ZNF516: variants seen among roughly 807,000 people sequenced by gnomAD.
ZNF516 encodes the protein zinc finger protein 516.
ZNF516 carries 19 observed loss-of-function variants against 79.7 expected under a neutral mutation model. The ratio of observed to expected loss-of-function variants is 0.24; its 90% confidence interval spans 0.17 to 0.35. ZNF516 has a LOEUF of 0.35. ZNF516 is among the 10% of genes least tolerant of loss of function. The pLI is 1.00. For synonymous variants in ZNF516, 877 were observed against 739.5 expected (o/e 1.19, Z -3.02); for missense variants, 1,678 against 1,679.5 (o/e 1.00, Z 0.02).
At chr18:76,464,430 A>C (rs957798324) in intron 1 of ZNF516, among the ~76,000 whole-genome samples, 10 of 152,224 alleles carry the variant, frequency 6.6e-5, no homozygotes, top group African/African-American at 2.4e-4. Context: ...TGCTGTCTCA[A>C]GCTGGCATTC....
chr18:76,374,365 T>C (rs1026638333), intron 4 of ZNF516, among the ~76,000 whole-genome samples: 4 of 152,266 alleles, frequency 2.6e-5, no homozygotes, highest in African/African-American at 9.6e-5. Context: ...ATAGACTTGG[T>C]AGTCACACTG....
At chr18:76,457,116 C>T (rs1212515081) in intron 2 of ZNF516, among the ~76,000 whole-genome samples, 2 of 152,200 alleles carry the variant, frequency 1.3e-5, no homozygotes, top group Non-Finnish European at 2.9e-5. Context: ...AAAGACATTC[C>T]CTTTTAAGCG....
At chr18:76,435,137 AAG>A (rs923929252) in intron 3 of ZNF516, among the ~76,000 whole-genome samples, 4 of 152,042 alleles carry the variant, frequency 2.6e-5, no homozygotes, top group Non-Finnish European at 5.9e-5. Flanking sequence ...CTTGAGTTAA[AAG>A]AGAGAGAGAA....
rs998555294 is a variant in ZNF516, at chr18:76,373,144, T to C, written c.3260-1573A>G. On this transcript the variant is annotated intron_variant, in intron 4 of 6. Transcript: ENST00000443185. Reference sequence around the variant, plus strand: ...CAGCCTAGGTGACAGAGTGAGATTCTGTCTTGAATGAAAGAAAGAAAAGAA... The same window carrying C: ...CAGCCTAGGTGACAGAGTGAGATTCCGTCTTGAATGAAAGAAAGAAAAGAA... Among the ~76,000 whole-genome samples the C allele has an allele frequency of 1.6e-4, 24 of 151,412 alleles. 1 individual carries two copies. Among genetic ancestry groups the C allele is most frequent in the African/African-American group, 5.4e-4 (22 of 41,108 alleles).
At chr18:76,366,256 T>C (rs1193574772) in intron 6 of ZNF516, among the ~76,000 whole-genome samples, 1 of 152,226 alleles carries the variant, frequency 6.6e-6, no homozygotes, top group South Asian at 2.1e-4. Context: ...TTTGCTGAGA[T>C]AGACGGTATA....
At chr18:76,424,598 G>C (rs1276971008) in intron 3 of ZNF516, among the ~76,000 whole-genome samples, 2 of 113,850 alleles carry the variant, frequency 1.8e-5, no homozygotes, top group East Asian at 2.8e-4. Context: ...AGGTGAAAAG[G>C]CTCCCCCGAA....
At chr18:76,479,220 T>C (rs530811246) in intron 1 of ZNF516, among the ~76,000 whole-genome samples, 50 of 152,300 alleles carry the variant, frequency 3.3e-4, no homozygotes, top group African/African-American at 1.2e-3. Flanking sequence ...GGCCTTGACT[T>C]GGACCTACAG....
intron 2 of ZNF516, among the ~76,000 whole-genome samples, 180 bp from the exon 3 acceptor site, chr18:76,443,391 CACTT>C (rs1911847184): frequency 6.6e-6 from 1 of 152,160 alleles, no homozygotes; most frequent in African/African-American, 2.4e-5. Flanking sequence ...AAATCAGTAT[CACTT>C]AATTATCAAT....
rs932259651 is a variant in ZNF516 at position 76,493,108 on chromosome 18, T to C, written c.-272+2036A>G. On this transcript the variant is annotated intron_variant, in intron 1 of 6. Coordinates refer to ENST00000443185, the MANE Select transcript of ZNF516 (RefSeq NM_014643.4). This position sits in a 1 kb window ranked among gnomAD's most constrained non-coding sequence, Gnocchi z 5.2. ...GCAAAGCTGTTTCCTTTTTTTTTTT[T>C]CCTCCTCTCCTCCCTACCGTTTCAT... 49 of 983,496 alleles carry C rather than the reference T, an allele frequency of 5.0e-5. No homozygotes were observed. Among genetic ancestry groups the C allele is most frequent in the Admixed American group, 6.2e-5 (1 of 16,210 alleles). 60.9% of individuals were successfully genotyped at this position (983,496 alleles called of 1,614,324 possible).
intron 1 of ZNF516, among the ~76,000 whole-genome samples, chr18:76,476,871 G>A (rs181466011): frequency 3.0e-4 from 45 of 152,292 alleles, no homozygotes; most frequent in Non-Finnish European, 6.0e-4. Flanking sequence ...CCGGTGCGGG[G>A]TGACTTGCTA....
In ZNF516 at chr18:76,379,798, G is replaced by A. The variant is rs13381258; in HGVS notation, c.2316C>T (p.Pro772=). 2,630 of 1,613,780 alleles carry A rather than the reference G, an allele frequency of 1.6e-3. 41 individuals carry two copies. In the African/African-American group the frequency reaches 0.031, roughly 19 times the overall value. ...CPYCSHKTYY[P]EVLWMHKRIW... Reference sequence around the variant, plus strand: ...TGCGTTTGTGCATCCACAGGACCTCGGGGTAGTAGGTCTTGTGGCTGCAGT... The same window carrying A: ...TGCGTTTGTGCATCCACAGGACCTCAGGGTAGTAGGTCTTGTGGCTGCAGT... Residue 772 remains proline (P), a synonymous_variant, in exon 4 of 7, where the codon CCC becomes CCT. Coordinates refer to ENST00000443185, the MANE Select transcript of ZNF516 (RefSeq NM_014643.4).
intron 3 of ZNF516, among the ~76,000 whole-genome samples, chr18:76,404,634 T>A (rs897977761): frequency 2.6e-5 from 4 of 152,158 alleles, no homozygotes; most frequent in Non-Finnish European, 5.9e-5. Flanking sequence ...AGTGCACCTG[T>A]GTGAGGATGC....
chr18:76,476,589 A>C (rs1914187894), intron 1 of ZNF516, among the ~76,000 whole-genome samples: 1 of 152,230 alleles, frequency 6.6e-6, no homozygotes, highest in Non-Finnish European at 1.5e-5. Context: ...CCAACTTCAG[A>C]CATCTTAAAG....
At chr18:76,400,283 C>A (rs1259699840) in intron 3 of ZNF516, among the ~76,000 whole-genome samples, 1 of 152,186 alleles carries the variant, frequency 6.6e-6, no homozygotes. Flanking sequence ...GTGTTCACGA[C>A]ACAATTTTCT....
chr18:76,492,211 C>G, intron 1 of ZNF516: 2 of 985,426 alleles, frequency 2.0e-6, no homozygotes, highest in Non-Finnish European at 2.4e-6. Context: ...CGGAAGACAC[C>G]GCGTCTCCAA....
At chr18:76,466,492 AG>A (rs1913478053) in intron 1 of ZNF516, among the ~76,000 whole-genome samples, 1 of 152,238 alleles carries the variant, frequency 6.6e-6, no homozygotes, top group African/African-American at 2.4e-5. Flanking sequence ...GAGGCCCACA[AG>A]GACCAAGCCA....
At chr18:76,421,537 C>A (rs1442214369) in intron 3 of ZNF516, among the ~76,000 whole-genome samples, 1 of 152,210 alleles carries the variant, frequency 6.6e-6, no homozygotes, top group Non-Finnish European at 1.5e-5. Flanking sequence ...GGTCCCTCCC[C>A]CTGCTCTCCA....
chr18:76,420,963 G>A (rs2075499363), intron 3 of ZNF516, among the ~76,000 whole-genome samples: 1 of 152,132 alleles, frequency 6.6e-6, no homozygotes, highest in Non-Finnish European at 1.5e-5. Context: ...AATTTTGGTG[G>A]TGCCCAAAAG....
chr18:76,455,924 C>T (rs1236367249), intron 2 of ZNF516, among the ~76,000 whole-genome samples: 1 of 152,174 alleles, frequency 6.6e-6, no homozygotes, highest in Admixed American at 6.5e-5. Flanking sequence ...GCTGCTATTC[C>T]ATTATTCTTT....
Sources: gnomAD v4.1 joint callset for allele counts (sites outside exome capture counted in the v4.1 genomes callset) on GRCh38, gnomAD v4.1.1 for gene constraint, Gnocchi (gnomAD v3.1) non-coding constraint, MANE v1.5 for transcripts, NCBI Gene and HGNC (gene_info 2026-07-23, HGNC 2026-07-21) for gene names.